RB1: variants seen among roughly 807,000 people sequenced by gnomAD.
The protein encoded by RB1 is retinoblastoma-associated protein.
A neutral mutation model predicts 135.4 loss-of-function variants in RB1; 18 were observed. The observed-to-expected ratio is 0.13, with a 90% CI of 0.09 to 0.20. The LOEUF is 0.20. Among genes scored for constraint, RB1 ranks in the 10% least tolerant of loss-of-function variants. The pLI is 1.00. For synonymous variants in RB1, 365 were observed against 373.2 expected (o/e 0.98, Z 0.25); for missense variants, 868 against 1,110.0 (o/e 0.78, Z 3.10).
intron 17 of RB1, chr13:48,429,641 A>G (rs1284776806): frequency 6.6e-6 from 1 of 152,066 alleles, no homozygotes; most frequent in East Asian, 1.9e-4. Context: ...TCAAATGAAT[A>G]CACTTTTTGT....
intron 26 of RB1, among the ~76,000 whole-genome samples, chr13:48,478,917 T>C (rs1949519971): frequency 1.3e-5 from 2 of 152,168 alleles, no homozygotes; most frequent in Non-Finnish European, 2.9e-5. Context: ...TTGTAATTCA[T>C]AATATGCTTT....
At chr13:48,317,125 G>A in intron 2 of RB1, 1 of 907,944 alleles carries the variant, frequency 1.1e-6, no homozygotes. Context: ...CCAAAGACAG[G>A]GCTGGGCCCG....
chr13:48,322,226 A>G (rs1952248621), intron 2 of RB1, among the ~76,000 whole-genome samples: 2 of 152,172 alleles, frequency 1.3e-5, no homozygotes, highest in Admixed American at 6.5e-5. Context: ...GTGGCAAGTG[A>G]CAGGATCACC....
intron 2 of RB1, among the ~76,000 whole-genome samples, chr13:48,311,628 AATT>A (rs1952131358): frequency 6.6e-6 from 1 of 152,238 alleles, no homozygotes; most frequent in South Asian, 2.1e-4. Context: ...GTGTTTTACT[AATT>A]ATTGAGGGAG....
chr13:48,435,322 G>T (rs1431630640), intron 17 of RB1, among the ~76,000 whole-genome samples: 1 of 152,160 alleles, frequency 6.6e-6, no homozygotes, highest in East Asian at 1.9e-4. Flanking sequence ...GATAGCTAAT[G>T]ATATTGATTA....
chr13:48,320,202 T>C (rs1952222218), intron 2 of RB1: 2 of 961,488 alleles, frequency 2.1e-6, no homozygotes, highest in Non-Finnish European at 3.1e-6. Context: ...AGGCAGGCAA[T>C]GCGGGCTGCT....
intron 2 of RB1, chr13:48,317,802 C>T (rs1431071367): frequency 2.5e-5 from 9 of 361,630 alleles, no homozygotes; most frequent in Middle Eastern, 8.7e-4. Context: ...GCTGTGGGAC[C>T]CCCCTGGCCC....
At chr13:48,317,652 G>A in intron 2 of RB1, 1 of 507,362 alleles carries the variant, frequency 2.0e-6, no homozygotes, top group Non-Finnish European at 3.1e-6. Flanking sequence ...GCCCCTTGGC[G>A]GAGACACTGC....
intron 17 of RB1, among the ~76,000 whole-genome samples, chr13:48,439,207 AT>A (rs1182389886): frequency 6.6e-6 from 1 of 152,206 alleles, no homozygotes; most frequent in African/African-American, 2.4e-5. Flanking sequence ...AAAATTTATA[AT>A]TTCTATAAAA....
chr13:48,310,516 A>T (rs564175376), intron 2 of RB1, among the ~76,000 whole-genome samples: 8 of 152,306 alleles, frequency 5.3e-5, no homozygotes, highest in African/African-American at 1.9e-4. Context: ...TGGATCTTGG[A>T]GTTATGTGCA....
rs544870824 is a variant in RB1 at position 48,340,089 on chromosome 13, TG to T, written c.265-2507del. Among the ~76,000 whole-genome samples, 844 of 152,238 alleles carry T rather than the reference TG, an allele frequency of 5.5e-3. 5 individuals carry two copies. The highest frequency in any genetic ancestry group is 0.01 in the Middle Eastern group (3 of 294). On this transcript the variant is annotated intron_variant, in intron 2 of 26. Transcript: ENST00000267163. Reference sequence around the variant, plus strand: ...TCTCAACAAATAATGCTGGAGCAATTGGGTATCCAAATGCAGAAAATGAACT... The same window carrying T: ...TCTCAACAAATAATGCTGGAGCAATTGGTATCCAAATGCAGAAAATGAACT...
In RB1 at chr13:48,319,601, T is replaced by C. The variant is rs1952216854; in HGVS notation, c.264+12195T>C. 8.0e-6 allele frequency: 2 copies of C among 251,316 alleles called. No individual in the cohort carries two copies. Among genetic ancestry groups the C allele is most frequent in the Non-Finnish European group, 1.6e-5 (2 of 124,198 alleles). 15.6% of individuals were successfully genotyped at this position (251,316 alleles called of 1,614,324 possible). ...GGCTTCTGGGCTGCACGTTCGTCTTTGCTAACCGGGGAGGTTTGCGAAAGG... is the reference window on the plus strand; with the variant it reads ...GGCTTCTGGGCTGCACGTTCGTCTTCGCTAACCGGGGAGGTTTGCGAAAGG... On this transcript the variant is annotated intron_variant, in intron 2 of 26. Coordinates refer to ENST00000267163, the MANE Select transcript of RB1 (RefSeq NM_000321.3). This position sits in a 1 kb window ranked among gnomAD's most constrained non-coding sequence, Gnocchi z 5.0.
intron 2 of RB1, among the ~76,000 whole-genome samples, chr13:48,329,223 T>C (rs1326338853): frequency 6.6e-6 from 1 of 152,218 alleles, no homozygotes; most frequent in Non-Finnish European, 1.5e-5. Flanking sequence ...CATCTTGATA[T>C]TGCATTTTCA....
intron 19 of RB1, among the ~76,000 whole-genome samples, 195 bp downstream of exon 19, chr13:48,456,544 C>T (rs1235242249): frequency 1.3e-5 from 2 of 152,184 alleles, no homozygotes; most frequent in Non-Finnish European, 2.9e-5. Context: ...TTTTTCTGGC[C>T]GGAAACCTCT....
Position 48,480,410 on chromosome 13 carries a change from ACTT to A in RB1, c.*340_*342del. ...CCTGATAACCCAGGCCTGTCTGACT[ACTT>A]TGCCTTCTTTTGTAGCATATAGGTG... On this transcript the variant is annotated 3_prime_UTR_variant, in exon 27 of 27. Coordinates refer to ENST00000267163, the MANE Select transcript of RB1 (RefSeq NM_000321.3). 3.0e-6 allele frequency: 1 copy of A among 328,156 alleles called. No individual in the cohort carries two copies. Among genetic ancestry groups the A allele is most frequent in the Non-Finnish European group, 5.7e-6 (1 of 175,786 alleles). 20.3% of individuals were successfully genotyped at this position (328,156 alleles called of 1,614,324 possible).
intron 17 of RB1, among the ~76,000 whole-genome samples, chr13:48,398,532 G>C (rs1948665918): frequency 6.6e-6 from 1 of 151,246 alleles, no homozygotes; most frequent in Non-Finnish European, 1.5e-5. Context: ...TTTTAAAGCT[G>C]TCTCTCATAT....
chr13:48,406,375 TAAAAAA>T (rs1948739897), intron 17 of RB1, among the ~76,000 whole-genome samples: 1 of 152,162 alleles, frequency 6.6e-6, no homozygotes, highest in African/African-American at 2.4e-5. Flanking sequence ...CACCATCATT[TAAAAAA>T]GAATTTCTCC....
intron 2 of RB1, among the ~76,000 whole-genome samples, chr13:48,337,516 G>C (rs1393080136): frequency 1.3e-5 from 2 of 151,732 alleles, no homozygotes; most frequent in Non-Finnish European, 2.9e-5. Context: ...GCCTTTTTTT[G>C]TTTTCCATTT....
At chr13:48,395,116 G>A (rs1948637800) in intron 17 of RB1, among the ~76,000 whole-genome samples, 1 of 152,136 alleles carries the variant, frequency 6.6e-6, no homozygotes, top group Non-Finnish European at 1.5e-5. Flanking sequence ...GGTCTGGAGT[G>A]GACCTCCAGC....
Sources: allele counts gnomAD v4.1 joint callset (sites outside exome capture counted in the v4.1 genomes callset), GRCh38; gene constraint gnomAD v4.1.1; non-coding constraint Gnocchi (gnomAD v3.1); transcripts MANE v1.5; gene names NCBI Gene and HGNC (gene_info 2026-07-23, HGNC 2026-07-21).